Variants in CADM2 observed in about 807,000 individuals in gnomAD.
CADM2 encodes the protein immunoglobulin superfamily member 4D.
Under a neutral mutation model 49.8 loss-of-function variants are expected in CADM2, and 12 were observed. That is an observed-to-expected ratio of 0.24 (90% CI 0.15 to 0.39). The LOEUF (loss-of-function observed/expected upper bound fraction) is 0.39. CADM2 is among the 10% of genes least tolerant of loss of function. The pLI is 1.00. For synonymous variants in CADM2, 214 were observed against 175.4 expected (o/e 1.22, Z -1.74); for missense variants, 378 against 492.3 (o/e 0.77, Z 2.20).
chr3:85,895,848 C>G (rs1426762812), intron 5 of CADM2, among the ~76,000 whole-genome samples: 1 of 152,144 alleles, frequency 6.6e-6, no homozygotes, highest in African/African-American at 2.4e-5. Context: ...GCCTCCCCAG[C>G]CTTTGCTCCT....
intron 1 of CADM2, among the ~76,000 whole-genome samples, chr3:85,011,957 TTTAGAATATAG>T (rs1390898233): frequency 6.6e-6 from 1 of 152,124 alleles, no homozygotes; most frequent in Non-Finnish European, 1.5e-5. Flanking sequence ...ACCGTTTATA[TTTAGAATATAG>T]TTAAGTAAAA....
At chr3:85,086,828 G>A (rs1285460411) in intron 1 of CADM2, among the ~76,000 whole-genome samples, 1 of 151,998 alleles carries the variant, frequency 6.6e-6, no homozygotes, top group East Asian at 1.9e-4. Flanking sequence ...TTTGTAAACA[G>A]CATTTTATTT....
At chr3:86,015,685 GAA>G (rs956283450) in intron 8 of CADM2, among the ~76,000 whole-genome samples, 1 of 152,166 alleles carries the variant, frequency 6.6e-6, no homozygotes, top group Non-Finnish European at 1.5e-5. Context: ...AATTTGAATG[GAA>G]GAGCCTGGCG....
At chr3:85,215,373 A>G (rs928089568) in intron 1 of CADM2, among the ~76,000 whole-genome samples, 3 of 151,464 alleles carry the variant, frequency 2.0e-5, no homozygotes, top group Non-Finnish European at 2.9e-5. Flanking sequence ...AAAAAAAAAA[A>G]AAAAAAAAAG....
intron 1 of CADM2, among the ~76,000 whole-genome samples, chr3:85,682,294 A>G (rs13096280): frequency 0.18 from 26,753 of 152,080 alleles, 2,952 homozygotes; most frequent in Non-Finnish European, 0.24. Flanking sequence ...AAGAGGGAAT[A>G]CTTCTTAAAA....
intron 1 of CADM2, among the ~76,000 whole-genome samples, chr3:85,330,498 A>G (rs2044886620): frequency 6.6e-6 from 1 of 152,210 alleles, no homozygotes; most frequent in Admixed American, 6.5e-5. Context: ...CCACTGCTAC[A>G]TAGACATTTT....
intron 8 of CADM2, chr3:85,979,146 T>A (rs369252140): frequency 5.0e-6 from 8 of 1,604,756 alleles, no homozygotes; most frequent in Middle Eastern, 1.7e-4. Flanking sequence ...TTGTTTATAT[T>A]TTTTTTCCAC....
chr3:85,243,220 T>A (rs571659821), intron 1 of CADM2, among the ~76,000 whole-genome samples: 269 of 152,086 alleles, frequency 1.8e-3, no homozygotes, highest in Non-Finnish European at 3.6e-3. Flanking sequence ...TATTTACATT[T>A]GATTTTAATT....
chr3:85,405,722 TA>T (rs1027681509), intron 1 of CADM2, among the ~76,000 whole-genome samples: 3 of 151,996 alleles, frequency 2.0e-5, no homozygotes, highest in African/African-American at 7.2e-5. Context: ...ATTTTAATTT[TA>T]TTTTAAGTTT....
At chr3:85,834,820 G>A (rs912190972) in intron 3 of CADM2, among the ~76,000 whole-genome samples, 1 of 151,470 alleles carries the variant, frequency 6.6e-6, no homozygotes, top group African/African-American at 2.4e-5. Flanking sequence ...ATCACAAATG[G>A]GGTTGAGTTG....
At chr3:85,387,252 T>A (rs1295360215) in intron 1 of CADM2, among the ~76,000 whole-genome samples, 3 of 152,170 alleles carry the variant, frequency 2.0e-5, no homozygotes, top group African/African-American at 4.8e-5. Flanking sequence ...ATAATTAACT[T>A]CTGTTTTGCA....
chr3:85,846,797 G>C (rs2074901630), intron 3 of CADM2, among the ~76,000 whole-genome samples: 1 of 152,176 alleles, frequency 6.6e-6, no homozygotes, highest in Non-Finnish European at 1.5e-5. Flanking sequence ...AGGAGTTCAA[G>C]TCTGCAGTGA....
intron 3 of CADM2, among the ~76,000 whole-genome samples, chr3:85,815,073 A>T (rs984152355): frequency 4.6e-5 from 7 of 152,138 alleles, no homozygotes; most frequent in Admixed American, 4.6e-4. Context: ...GAATAGACCA[A>T]TAACAATTTG....
chr3:85,244,429 A>G (rs1417568791), intron 1 of CADM2, among the ~76,000 whole-genome samples: 1 of 152,190 alleles, frequency 6.6e-6, no homozygotes, highest in Non-Finnish European at 1.5e-5. Context: ...TGTATTTGAG[A>G]ACTTCAGGTT....
intron 3 of CADM2, among the ~76,000 whole-genome samples, chr3:85,845,494 T>A (rs1000636354): frequency 6.6e-6 from 1 of 152,196 alleles, no homozygotes; most frequent in Non-Finnish European, 1.5e-5. Flanking sequence ...TGTAAAGTTA[T>A]GCTTTAAGAT....
chr3:85,820,348 C>T (rs2073477422), intron 3 of CADM2, among the ~76,000 whole-genome samples: 1 of 151,994 alleles, frequency 6.6e-6, no homozygotes, highest in Non-Finnish European at 1.5e-5. Flanking sequence ...GAAAAGTAGA[C>T]TATGGGGAAG....
At chr3:85,809,583 A>G (rs2072685311) in intron 3 of CADM2, among the ~76,000 whole-genome samples, 1 of 152,144 alleles carries the variant, frequency 6.6e-6, no homozygotes, top group Admixed American at 6.5e-5. Context: ...TCATAAAAAA[A>G]GGGAAACTTG....
chr3:85,771,035 G>T (rs2107951505), intron 2 of CADM2, among the ~76,000 whole-genome samples: 1 of 152,184 alleles, frequency 6.6e-6, no homozygotes, highest in Admixed American at 6.5e-5. Flanking sequence ...CCCCTCGTTG[G>T]CTCTGGCAAC....
chr3:85,357,456 A>G (rs1427289446), intron 1 of CADM2, among the ~76,000 whole-genome samples: 2 of 152,122 alleles, frequency 1.3e-5, no homozygotes, highest in Non-Finnish European at 2.9e-5. Flanking sequence ...AGATCAGATA[A>G]TTATCATTTA....
Sources: gnomAD v4.1 joint callset for allele counts (sites outside exome capture counted in the v4.1 genomes callset) on GRCh38, gnomAD v4.1.1 for gene constraint, MANE v1.5 for transcripts, NCBI Gene and HGNC (gene_info 2026-07-23, HGNC 2026-07-21) for gene names.